CACNB2: variants seen among roughly 807,000 people sequenced by gnomAD.
The protein encoded by CACNB2 is voltage-dependent L-type calcium channel subunit beta-2.
Under a neutral mutation model 73.3 loss-of-function variants are expected in CACNB2, and 42 were observed. That is an observed-to-expected ratio of 0.57 (90% confidence interval 0.45 to 0.74). CACNB2 has a LOEUF of 0.74. Among genes scored for constraint, CACNB2 ranks in the 30% least tolerant of loss-of-function variants. The pLI is 0.00. For missense variants in CACNB2, 940 were observed against 853.0 expected (o/e 1.10, Z -1.27); for synonymous variants, 348 against 310.3 (o/e 1.12, Z -1.28).
intron 2 of CACNB2, among the ~76,000 whole-genome samples, chr10:18,304,030 G>T (rs1363266639): frequency 1.3e-5 from 2 of 152,136 alleles, no homozygotes; most frequent in South Asian, 2.1e-4. Context: ...GTCACAGCTC[G>T]CTGCAGCCTC....
intron 2 of CACNB2, among the ~76,000 whole-genome samples, chr10:18,333,793 T>C (rs2040897063): frequency 6.6e-6 from 1 of 152,194 alleles, no homozygotes; most frequent in African/African-American, 2.4e-5. Flanking sequence ...TTCACAATCC[T>C]CTATGGTTGG....
intron 3 of CACNB2, among the ~76,000 whole-genome samples, chr10:18,468,311 A>T (rs1184947165): frequency 6.6e-6 from 1 of 152,116 alleles, no homozygotes; most frequent in Admixed American, 6.6e-5. Flanking sequence ...CACTAAAAAA[A>T]TTAGCTAGGC....
intron 6 of CACNB2, among the ~76,000 whole-genome samples, chr10:18,512,869 C>A (rs2050897310): frequency 6.6e-6 from 1 of 152,144 alleles, no homozygotes; most frequent in African/African-American, 2.4e-5. Context: ...GGCAAAACTT[C>A]GTAGCCCAAT....
chr10:18,152,676 A>T (rs924298697), intron 2 of CACNB2, among the ~76,000 whole-genome samples: 3 of 144,644 alleles, frequency 2.1e-5, no homozygotes, highest in Non-Finnish European at 4.5e-5. Context: ...AGAATCTACA[A>T]CTCTGAGTCA....
rs563715438 is a variant in CACNB2, at chr10:18,183,012, T to G, written c.213+32037T>G. On this transcript the variant is annotated intron_variant, in intron 2 of 13. Transcript: ENST00000324631. ...AATTGTAACATCTTTTTTTTTTTAA[T>G]TAGGAGAAGCAGAGGGGCATTGTGG... 7.2e-5 allele frequency among the ~76,000 whole-genome samples: 11 copies of G among 152,118 alleles called. No homozygotes were observed. In the South Asian group the frequency reaches 2.1e-3, roughly 29 times the overall value.
At position 18,221,920 on chromosome 10, in the gene CACNB2, T is replaced by C. The variant is rs990296647; in HGVS notation, c.213+70945T>C. On this transcript the variant is annotated intron_variant, in intron 2 of 13. Coordinates refer to ENST00000324631, the MANE Select transcript of CACNB2 (RefSeq NM_201596.3). ...GAAAGTAGCATTGGCCCAATTGGTATTGAGGTAGTTTCTCTTTATAGAAGT... is the reference window on the plus strand; with the variant it reads ...GAAAGTAGCATTGGCCCAATTGGTACTGAGGTAGTTTCTCTTTATAGAAGT... Among the ~76,000 whole-genome samples the C allele has an allele frequency of 4.6e-5, 7 of 152,336 alleles. No individual in the cohort carries two copies. The East Asian group carries it at 1.2e-3, about 25-fold the overall frequency.
In CACNB2 at chr10:18,350,125, A is replaced by T. The variant is rs192783025; in HGVS notation, c.214-51799A>T. Among the ~76,000 whole-genome samples the T allele has an allele frequency of 2.2e-3, 336 of 152,220 alleles. 4 individuals carry two copies. The highest frequency in any genetic ancestry group is 6.8e-3 in the African/African-American group (283 of 41,536). Reference sequence around the variant, plus strand: ...CCAGGCATGGTGGCGAGTGCCTGTAATCCCAGCTACTCAGGAGGGTGAGGC... The same window carrying T: ...CCAGGCATGGTGGCGAGTGCCTGTATTCCCAGCTACTCAGGAGGGTGAGGC... On this transcript the variant is annotated intron_variant, in intron 2 of 13. Coordinates refer to ENST00000324631, the MANE Select transcript of CACNB2 (RefSeq NM_201596.3).
At chr10:18,260,600 G>T in intron 2 of CACNB2, 1 of 986,420 alleles carries the variant, frequency 1.0e-6, no homozygotes. Context: ...GGAATCCACA[G>T]TGAATTCGAG....
At chr10:18,304,854 C>T (rs368955039) in intron 2 of CACNB2, among the ~76,000 whole-genome samples, 5 of 152,306 alleles carry the variant, frequency 3.3e-5, no homozygotes, top group East Asian at 1.9e-4. Context: ...AAAACAGGGG[C>T]GGTCCCTTTC....
At chr10:18,185,649 T>A (rs2034112671) in intron 2 of CACNB2, among the ~76,000 whole-genome samples, 1 of 152,202 alleles carries the variant, frequency 6.6e-6, no homozygotes, top group African/African-American at 2.4e-5. Context: ...TGAAAATACA[T>A]CTTTTACCTT....
chr10:18,495,371 C>T (rs750304258), intron 3 of CACNB2, among the ~76,000 whole-genome samples: 5 of 151,970 alleles, frequency 3.3e-5, no homozygotes, highest in African/African-American at 4.8e-5. Flanking sequence ...AGTCATGTGC[C>T]ACCATGCCTG....
At chr10:18,194,311 C>G (rs1166051313) in intron 2 of CACNB2, among the ~76,000 whole-genome samples, 3 of 152,184 alleles carry the variant, frequency 2.0e-5, no homozygotes, top group Admixed American at 2.0e-4. Context: ...GTCAGCAACT[C>G]CAGGCCCCCC....
chr10:18,532,453 A>T (rs1254720104), intron 10 of CACNB2, among the ~76,000 whole-genome samples: 1 of 152,074 alleles, frequency 6.6e-6, no homozygotes, highest in Non-Finnish European at 1.5e-5. Flanking sequence ...GCGGGAGATC[A>T]CTTGAGGTCA....
intron 1 of CACNB2, 130 bp downstream of exon 1, chr10:18,140,986 C>G: frequency 1.3e-6 from 2 of 1,521,482 alleles, no homozygotes; most frequent in East Asian, 2.5e-5. Flanking sequence ...CCTGCCCACC[C>G]TCTGCTCCTC....
At chr10:18,347,344 A>ATTTTTTTTTTTTTTTTTT (rs201654242) in intron 2 of CACNB2, among the ~76,000 whole-genome samples, 1 of 120,818 alleles carries the variant, frequency 8.3e-6, no homozygotes. Flanking sequence ...TGCCCGTCTA[A>ATTTTTTTTTTTTTTTTTT]TTTTTTTTTT....
At chr10:18,296,694 G>T (rs2039293368) in intron 2 of CACNB2, among the ~76,000 whole-genome samples, 1 of 152,152 alleles carries the variant, frequency 6.6e-6, no homozygotes, top group African/African-American at 2.4e-5. Context: ...GGTACTTAGA[G>T]ATTTAAAAGG....
At chr10:18,254,385 C>G (rs1284498288) in intron 2 of CACNB2, among the ~76,000 whole-genome samples, 1 of 152,000 alleles carries the variant, frequency 6.6e-6, no homozygotes, top group Non-Finnish European at 1.5e-5. Context: ...GTGTGCATTC[C>G]ATGATTATTA....
At chr10:18,201,223 C>T (rs1311905919) in intron 2 of CACNB2, among the ~76,000 whole-genome samples, 4 of 151,714 alleles carry the variant, frequency 2.6e-5, no homozygotes, top group African/African-American at 9.7e-5. Flanking sequence ...ATTTTCAAAA[C>T]AGTAGTCCTG....
chr10:18,366,014 A>G (rs1372143142), intron 2 of CACNB2, among the ~76,000 whole-genome samples: 2 of 152,300 alleles, frequency 1.3e-5, no homozygotes, highest in African/African-American at 4.8e-5. Flanking sequence ...CATTCTACCC[A>G]TTTAAATAAA....
Sources: allele counts gnomAD v4.1 joint callset (sites outside exome capture counted in the v4.1 genomes callset), GRCh38; gene constraint gnomAD v4.1.1; transcripts MANE v1.5; gene names NCBI Gene and HGNC (gene_info 2026-07-23, HGNC 2026-07-21).